TBC1D22A: variants seen among roughly 807,000 people sequenced by gnomAD.
TBC1D22A encodes the protein putative GTPase activator.
In TBC1D22A, 38 loss-of-function variants were observed where a neutral mutation model predicts 60.2. The observed-to-expected ratio is 0.63, with a 90% CI of 0.49 to 0.83. The LOEUF (loss-of-function observed/expected upper bound fraction) is 0.83, where lower values mean the gene tolerates loss of function less well. Ranked by LOEUF, TBC1D22A falls within the 40% of genes least tolerant of loss-of-function variation. The pLI is 0.00. For synonymous variants in TBC1D22A, 302 were observed against 281.7 expected (o/e 1.07, Z -0.72); for missense variants, 628 against 701.0 (o/e 0.90, Z 1.18).
chr22:47,044,327 G>C (rs2062960392), intron 11 of TBC1D22A, among the ~76,000 whole-genome samples: 2 of 152,172 alleles, frequency 1.3e-5, no homozygotes, highest in Non-Finnish European at 2.9e-5. Context: ...CTTTCCCCAG[G>C]AGTCCTTTGG....
chr22:46,822,194 G>T (rs2085860337), intron 4 of TBC1D22A, among the ~76,000 whole-genome samples: 1 of 151,934 alleles, frequency 6.6e-6, no homozygotes, highest in African/African-American at 2.4e-5. Flanking sequence ...TGCTCCTTTA[G>T]CTCAGTGTAG....
chr22:46,867,135 C>CA (rs2067093212), intron 4 of TBC1D22A, among the ~76,000 whole-genome samples: 1 of 152,174 alleles, frequency 6.6e-6, no homozygotes, highest in African/African-American at 2.4e-5. Flanking sequence ...GCTACGTGAC[C>CA]AAGTATCTGT....
At chr22:46,853,141 T>C (rs913782079) in intron 4 of TBC1D22A, among the ~76,000 whole-genome samples, 4 of 152,162 alleles carry the variant, frequency 2.6e-5, no homozygotes, top group Non-Finnish European at 5.9e-5. Flanking sequence ...GGGCCTTTGC[T>C]GAGCATCCGT....
intron 8 of TBC1D22A, among the ~76,000 whole-genome samples, chr22:46,922,900 T>C (rs2070838465): frequency 6.6e-6 from 1 of 152,242 alleles, no homozygotes; most frequent in African/African-American, 2.4e-5. Context: ...CTCTTCCTAT[T>C]GAATGCCTTT....
At chr22:46,790,250 G>T (rs1364163479) in intron 1 of TBC1D22A, among the ~76,000 whole-genome samples, 1 of 152,210 alleles carries the variant, frequency 6.6e-6, no homozygotes, top group African/African-American at 2.4e-5. Flanking sequence ...CTTTCTCCAC[G>T]TACAGAGTCA....
At chr22:47,154,950 G>A (rs567548635) in intron 12 of TBC1D22A, among the ~76,000 whole-genome samples, 1 of 152,212 alleles carries the variant, frequency 6.6e-6, no homozygotes, top group Non-Finnish European at 1.5e-5. Context: ...CTTCCCTGCT[G>A]CCCGCTGGGC....
At chr22:46,811,873 A>G (rs1454696074) in intron 4 of TBC1D22A, among the ~76,000 whole-genome samples, 3 of 152,186 alleles carry the variant, frequency 2.0e-5, no homozygotes, top group African/African-American at 7.2e-5. Context: ...TGCCATGAGA[A>G]AGCCACTGGA....
At chr22:46,786,060 G>A (rs747779081) in intron 1 of TBC1D22A, among the ~76,000 whole-genome samples, 1 of 152,182 alleles carries the variant, frequency 6.6e-6, no homozygotes, top group Non-Finnish European at 1.5e-5. Flanking sequence ...TGGATTACAG[G>A]CATGAGCCAC....
Position 46,938,994 on chromosome 22 carries a change from C to T in TBC1D22A, c.1015+26806C>T, listed in dbSNP as rs1047225229. Among the ~76,000 whole-genome samples the T allele has an allele frequency of 1.0e-4, 15 of 147,740 alleles. No individual in the cohort carries two copies. The South Asian group carries it at 3.0e-3, about 29-fold the overall frequency. On this transcript the variant is annotated intron_variant, in intron 8 of 12. Coordinates refer to ENST00000337137, the MANE Select transcript of TBC1D22A (RefSeq NM_014346.5). ...AATAAACCATATCTTTTATATGATC[C>T]TTGAATTTTCTTACTATGTTACCCA...
At chr22:46,772,915 A>T (rs1330734867) in intron 1 of TBC1D22A, among the ~76,000 whole-genome samples, 1 of 152,148 alleles carries the variant, frequency 6.6e-6, no homozygotes, top group Non-Finnish European at 1.5e-5. Context: ...GGCATGAGCC[A>T]CTGCATGTGG....
intron 11 of TBC1D22A, among the ~76,000 whole-genome samples, chr22:47,046,469 C>T (rs1207160156): frequency 6.6e-6 from 1 of 152,074 alleles, no homozygotes; most frequent in Admixed American, 6.6e-5. Context: ...CCAGGGACAC[C>T]CTTTGAGTGA....
chr22:46,882,552 C>T (rs1249347994), intron 5 of TBC1D22A, among the ~76,000 whole-genome samples: 7 of 152,114 alleles, frequency 4.6e-5, no homozygotes, highest in East Asian at 1.9e-4. Flanking sequence ...GGCTGAGGTA[C>T]CAGGGCAGGA....
At chr22:46,895,602 C>T (rs886815586) in intron 7 of TBC1D22A, among the ~76,000 whole-genome samples, 2 of 152,196 alleles carry the variant, frequency 1.3e-5, no homozygotes, top group African/African-American at 2.4e-5. Flanking sequence ...GAACTCCTGA[C>T]CTCAAGTGAT....
chr22:46,799,987 A>C (rs1179410219), intron 4 of TBC1D22A, among the ~76,000 whole-genome samples: 1 of 152,032 alleles, frequency 6.6e-6, no homozygotes, highest in South Asian at 2.1e-4. Context: ...GGGTCTGTGC[A>C]TTTCTACAGT....
At chr22:46,964,689 T>G (rs918912649) in intron 8 of TBC1D22A, among the ~76,000 whole-genome samples, 1 of 152,072 alleles carries the variant, frequency 6.6e-6, no homozygotes, top group Non-Finnish European at 1.5e-5. Flanking sequence ...ATGTAAGCAG[T>G]TTTTTACCTG....
chr22:47,034,867 C>T (rs781240351), intron 10 of TBC1D22A, among the ~76,000 whole-genome samples: 38 of 152,340 alleles, frequency 2.5e-4, no homozygotes, highest in Non-Finnish European at 4.9e-4. Flanking sequence ...CATTTTCAGT[C>T]GCTCAGAATA....
chr22:47,152,140 A>G (rs1163275236), intron 12 of TBC1D22A, among the ~76,000 whole-genome samples: 6 of 152,314 alleles, frequency 3.9e-5, no homozygotes, highest in East Asian at 1.9e-4. Context: ...CTGAAGACCT[A>G]TTGCTTCCTG....
intron 1 of TBC1D22A, among the ~76,000 whole-genome samples, chr22:46,788,234 C>A (rs915037141): frequency 7.2e-5 from 11 of 152,136 alleles, no homozygotes; most frequent in South Asian, 4.2e-4. Flanking sequence ...CCACGCCCGG[C>A]CAGGCAGGCT....
At chr22:47,156,339 C>T (rs992211643) in intron 12 of TBC1D22A, among the ~76,000 whole-genome samples, 2 of 152,170 alleles carry the variant, frequency 1.3e-5, no homozygotes, top group Non-Finnish European at 2.9e-5. Context: ...TAACCCTCTC[C>T]GAGAGACAGG....
Sources: allele counts gnomAD v4.1 joint callset (sites outside exome capture counted in the v4.1 genomes callset), GRCh38; gene constraint gnomAD v4.1.1; transcripts MANE v1.5; gene names NCBI Gene and HGNC (gene_info 2026-07-23, HGNC 2026-07-21).